Variants in CHRNA7 observed in about 807,000 individuals in gnomAD.
The protein encoded by CHRNA7 is cholinergic receptor nicotinic alpha 7 subunit.
Under a neutral mutation model 48.0 loss-of-function variants are expected in CHRNA7, and 17 were observed. The observed-to-expected ratio is 0.35, with a 90% confidence interval of 0.24 to 0.53. CHRNA7 has a LOEUF of 0.53. Ranked by LOEUF, CHRNA7 falls within the 20% of genes least tolerant of loss-of-function variation. The pLI is 0.92. For synonymous variants in CHRNA7, 75 were observed against 242.3 expected (o/e 0.31, Z 6.41); for missense variants, 155 against 577.7 (o/e 0.27, Z 7.50).
At chr15:32,056,884 C>G (rs1295803317) in intron 2 of CHRNA7, among the ~76,000 whole-genome samples, 1 of 152,152 alleles carries the variant, frequency 6.6e-6, no homozygotes, top group East Asian at 1.9e-4. Flanking sequence ...AAACATTAGG[C>G]AAATTCAATT....
intron 1 of CHRNA7, 117 bp downstream of exon 1, chr15:32,030,766 G>A: frequency 6.6e-7 from 1 of 1,507,188 alleles, no homozygotes; most frequent in Non-Finnish European, 8.8e-7. Context: ...CCGGGGAGGG[G>A]CAGCGGGGGC....
intron 3 of CHRNA7, among the ~76,000 whole-genome samples, chr15:32,110,625 T>C (rs1278802113): frequency 6.6e-6 from 1 of 152,176 alleles, no homozygotes; most frequent in East Asian, 1.9e-4. Context: ...TATCAATAGC[T>C]CTAGGCCCAC....
chr15:32,134,553 T>C (rs1171328873), intron 4 of CHRNA7, among the ~76,000 whole-genome samples: 6 of 152,216 alleles, frequency 3.9e-5, no homozygotes, highest in Admixed American at 3.9e-4. Context: ...TGAAACACTA[T>C]AAGAAATAAT....
chr15:32,092,533 C>T (rs1176933716), intron 2 of CHRNA7, among the ~76,000 whole-genome samples: 1 of 152,088 alleles, frequency 6.6e-6, no homozygotes, highest in Non-Finnish European at 1.5e-5. Flanking sequence ...CTTCTTGTGG[C>T]TGTCATTCCA....
chr15:32,103,476 G>A (rs899085358), intron 3 of CHRNA7, among the ~76,000 whole-genome samples: 3 of 151,514 alleles, frequency 2.0e-5, no homozygotes, highest in Non-Finnish European at 2.9e-5. Flanking sequence ...GGTCTCCAAG[G>A]TGCACCCATA....
At chr15:32,104,611 G>A (rs534178955) in intron 3 of CHRNA7, among the ~76,000 whole-genome samples, 6 of 152,210 alleles carry the variant, frequency 3.9e-5, no homozygotes, top group Admixed American at 2.0e-4. Flanking sequence ...GGTCACTGCC[G>A]TACCCACAGC....
chr15:32,052,773 A>G (rs1046732229), intron 2 of CHRNA7, among the ~76,000 whole-genome samples: 2 of 152,166 alleles, frequency 1.3e-5, no homozygotes, highest in Admixed American at 6.5e-5. Context: ...TAGATGAAAG[A>G]TATAGTTAGA....
In CHRNA7 at chr15:32,168,758, TCCC is replaced by T; in HGVS notation, c.*302_*304del. ...CTGCCTGGAAAGCCCTTCGGAGAGC[TCCC>T]CATGGCTCCTCACCACCGAGACAGT... On this transcript the variant is annotated 3_prime_UTR_variant, in exon 10 of 10. Coordinates refer to ENST00000306901, the MANE Select transcript of CHRNA7 (RefSeq NM_000746.6). 7 of 44,584 alleles carry T rather than the reference TCCC, an allele frequency of 1.6e-4. No individual in the cohort carries two copies. The highest frequency in any genetic ancestry group is 5.0e-4 in the South Asian group (2 of 3,962). The allele number at this position is 44,584 out of a possible 1,614,324, so 2.8% of individuals were successfully genotyped here.
chr15:32,107,040 G>A (rs939221838), intron 3 of CHRNA7, among the ~76,000 whole-genome samples: 1 of 152,186 alleles, frequency 6.6e-6, no homozygotes, highest in African/African-American at 2.4e-5. Context: ...AGAGAAGAAA[G>A]CGTCAGGGTC....
At chr15:32,145,457 TCAGA>T (rs2051468143) in intron 4 of CHRNA7, among the ~76,000 whole-genome samples, 1 of 152,206 alleles carries the variant, frequency 6.6e-6, no homozygotes, top group Admixed American at 6.5e-5. Flanking sequence ...TTCAGAGGTG[TCAGA>T]CAGAGATGTT....
intron 3 of CHRNA7, 101 bp downstream of exon 3, chr15:32,101,448 T>C (rs1471487657): frequency 1.5e-6 from 2 of 1,336,524 alleles, no homozygotes; most frequent in African/African-American, 1.6e-5. Flanking sequence ...AGGTCCTGTT[T>C]AGGAAAAAAA....
At chr15:32,056,036 A>C (rs2049782933) in intron 2 of CHRNA7, among the ~76,000 whole-genome samples, 1 of 150,896 alleles carries the variant, frequency 6.6e-6, no homozygotes, top group South Asian at 2.1e-4. Flanking sequence ...GGTATCTTAG[A>C]CTCTTTGGCT....
intron 2 of CHRNA7, among the ~76,000 whole-genome samples, chr15:32,048,558 CT>C (rs1189170261): frequency 5.9e-5 from 9 of 152,046 alleles, no homozygotes; most frequent in Admixed American, 4.6e-4. Flanking sequence ...ATTCTTCTCT[CT>C]TTTTTTCTTT....
intron 4 of CHRNA7, among the ~76,000 whole-genome samples, chr15:32,130,301 T>C (rs1407805907): frequency 6.6e-6 from 1 of 151,976 alleles, no homozygotes; most frequent in Non-Finnish European, 1.5e-5. Flanking sequence ...GTTGTGAACT[T>C]GTCTATATCT....
At chr15:32,115,780 A>C (rs1028313925) in intron 4 of CHRNA7, among the ~76,000 whole-genome samples, 2 of 152,096 alleles carry the variant, frequency 1.3e-5, no homozygotes, top group Non-Finnish European at 2.9e-5. Flanking sequence ...TTATGCAAAG[A>C]CAAGATGGAG....
At chr15:32,113,124 A>G (rs1365621204) in intron 4 of CHRNA7, among the ~76,000 whole-genome samples, 1 of 152,176 alleles carries the variant, frequency 6.6e-6, no homozygotes, top group Non-Finnish European at 1.5e-5. Flanking sequence ...GCCTTAAACA[A>G]TAGAAGTTAC....
chr15:32,109,694 G>A (rs899812435), intron 3 of CHRNA7, among the ~76,000 whole-genome samples: 2 of 152,170 alleles, frequency 1.3e-5, no homozygotes, highest in African/African-American at 4.8e-5. Context: ...AAACATCCTA[G>A]CTTTCTGAAC....
chr15:32,047,903 G>A (rs1319185675), intron 2 of CHRNA7, among the ~76,000 whole-genome samples: 2 of 152,054 alleles, frequency 1.3e-5, no homozygotes, highest in African/African-American at 2.4e-5. Context: ...TTTGTCAAAG[G>A]CCTTTTCTGC....
intron 2 of CHRNA7, among the ~76,000 whole-genome samples, chr15:32,083,389 C>G (rs2050246242): frequency 6.6e-6 from 1 of 152,210 alleles, no homozygotes; most frequent in African/African-American, 2.4e-5. Flanking sequence ...TGAAATTGGA[C>G]TTCCCAGCCT....
Sources: gnomAD v4.1 joint callset for allele counts (sites outside exome capture counted in the v4.1 genomes callset) on GRCh38, gnomAD v4.1.1 for gene constraint, MANE v1.5 for transcripts, NCBI Gene and HGNC (gene_info 2026-07-23, HGNC 2026-07-21) for gene names.